Variants in TBL2 observed in about 807,000 individuals in gnomAD.
TBL2 encodes transducin beta like 2, also known as transducin beta-like protein 2.
Under a neutral mutation model 41.8 loss-of-function variants are expected in TBL2, and 33 were observed. The observed-to-expected ratio is 0.79, with a 90% CI of 0.60 to 1.06. TBL2 has a LOEUF of 1.06. TBL2 is among the 50% of genes least tolerant of loss of function. TBL2 has a pLI of 0.00. For synonymous variants in TBL2, 239 were observed against 241.7 expected, an observed-to-expected ratio of 0.99 and a Z score of 0.10; for missense variants, 522 against 603.8, an observed-to-expected ratio of 0.86 and a Z score of 1.42.
In TBL2 at chr7:73,573,992, CT is replaced by C; in HGVS notation, c.391del (p.Arg131GlufsTer36). 1 of 1,614,196 alleles carries C rather than the reference CT, an allele frequency of 6.2e-7. No homozygotes were observed. The highest frequency in any genetic ancestry group is 8.5e-7 in the Non-Finnish European group (1 of 1,180,052). ...GGCGTGGTCCAGCTCCACGTTGGCT[CT>C]CATGCTGCGGTGCTCTCGCTGCAGG... ...DFLQREHRSM[R>X]ANVELDHATL... On this transcript the variant is annotated frameshift_variant, in exon 3 of 7. Coordinates refer to ENST00000305632, the MANE Select transcript of TBL2 (RefSeq NM_012453.4). LOFTEE classifies it high-confidence loss of function.
chr7:73,573,982 C>T lies in TBL2; in HGVS notation c.402G>A (p.Val134=), dbSNP rs1554588309. Residue 134 remains valine, a synonymous_variant, in exon 3 of 7, where the codon GTG becomes GTA. Coordinates refer to ENST00000305632, the MANE Select transcript of TBL2 (RefSeq NM_012453.4). ...QREHRSMRAN[V]ELDHATLVRF... ...GCACCAGGGTGGCGTGGTCCAGCTC[C>T]ACGTTGGCTCTCATGCTGCGGTGCT... The T allele has an allele frequency of 1.9e-6, 3 of 1,614,140 alleles. No individual in the cohort carries two copies. Among genetic ancestry groups the T allele is most frequent in the South Asian group, 2.2e-5 (2 of 91,090 alleles).
rs1563446632 is a variant in TBL2 at position 73,570,775 on chromosome 7, G to T, written c.1076C>A (p.Thr359Asn). The T allele has an allele frequency of 6.2e-7, 1 of 1,614,046 alleles. No individual in the cohort carries two copies. The highest frequency in any genetic ancestry group is 1.1e-5 in the South Asian group (1 of 91,092). Residue 359 changes from threonine to asparagine, a missense_variant, in exon 7 of 7, where the codon ACC becomes AAC. By Grantham distance (65) the Thr-to-Asn change is moderately conservative. Transcript: ENST00000305632. ...ASGSSIHLYN[T>N]RRGEKEECFE... ...GCACTCCTCCTTCTCGCCCCGCCGG[G>T]TATTGTAGAGATGAATACTACTGCC...
rs369530509 is a variant in TBL2 at position 73,578,574 on chromosome 7, G to C, written c.-25C>G. On this transcript the variant is annotated 5_prime_UTR_variant, in exon 1 of 7. Transcript: ENST00000305632. ...TGTTGGTGGAACCACTGCCACCTCA[G>C]CTAGTGAGTACGCGGGCGCCCGCAC... 1.3e-6 allele frequency: 2 copies of C among 1,578,404 alleles called. No homozygotes were observed. The highest frequency in any genetic ancestry group is 1.7e-6 in the Non-Finnish European group (2 of 1,164,910).
Position 73,578,495 on chromosome 7 carries a change from G to A in TBL2, c.55C>T (p.Leu19=). ...ACCGCCGCCGTCGCCATCAGGGCCAGCAGCCCAAGCAACACCGACAGCCCC... is the reference window on the plus strand; with the variant it reads ...ACCGCCGCCGTCGCCATCAGGGCCAACAGCCCAAGCAACACCGACAGCCCC... ...LMGLSVLLGL[L]ALMATAAVAR... is the part of the protein sequence containing the mutation. The change falls in exon 1 of 7, where the codon CTG becomes TTG. Residue 19 remains leucine (L), a synonymous_variant. Transcript: ENST00000305632. The A allele has an allele frequency of 1.3e-6, 2 of 1,586,832 alleles. No individual in the cohort carries two copies. The highest frequency in any genetic ancestry group is 1.7e-5 in the Admixed American group (1 of 57,952).
chr7:73,578,228 C>T, intron 1 of TBL2, 192 bp downstream of exon 1: 1 of 1,529,514 alleles, frequency 6.5e-7, no homozygotes, highest in Non-Finnish European at 8.7e-7. Context: ...CAGTCCCGCC[C>T]CAGGAGGTGC....
chr7:73,571,275 C>T lies in TBL2; in HGVS notation c.792G>A (p.Gly264=). Residue 264 remains glycine, a synonymous_variant, in exon 6 of 7, where the codon GGG becomes GGA. Transcript: ENST00000305632. The stretch of plus-strand genomic sequence containing the variant: ...AGGCTCGCACCACCTCCTGGAACTC[C>T]CCCTTCTTTCCAAAGCAGACTTCCC... ...KVWEVCFGKK[G]EFQEVVRAFE... is the part of the protein sequence containing the mutation. The T allele has an allele frequency of 6.2e-7, 1 of 1,614,196 alleles. No homozygotes were observed. The highest frequency in any genetic ancestry group is 1.6e-4 in the Middle Eastern group (1 of 6,062).
chr7:73,578,279 G>A, intron 1 of TBL2, 141 bp downstream of exon 1: 1 of 1,534,442 alleles, frequency 6.5e-7, no homozygotes, highest in African/African-American at 1.4e-5. Flanking sequence ...TGGAAGCGAA[G>A]CTCACGTTAC....
rs1196876494 is a variant in TBL2, at chr7:73,578,539, G to A, written c.11C>T (p.Ser4Leu). 3 of 1,591,348 alleles carry A rather than the reference G, an allele frequency of 1.9e-6. No homozygotes were observed. Among genetic ancestry groups the A allele is most frequent in the Middle Eastern group, 1.7e-4 (1 of 5,894 alleles). ...CAGCCCCATGAGCTCCGACATCTGC[G>A]AGAGCTCCATGTTGGTGGAACCACT... Reference protein sequence around the residue: MELSQMSELMGLSV... With the variant: MELLQMSELMGLSV... Residue 4 changes from serine (S) to leucine (L), a missense_variant, in exon 1 of 7, where the codon TCG becomes TTG. By Grantham distance (145) the Ser-to-Leu change is moderately radical (BLOSUM62 -2). Transcript: ENST00000305632.
intron 1 of TBL2, among the ~76,000 whole-genome samples, chr7:73,577,080 A>G (rs1244481575): frequency 6.6e-6 from 1 of 151,984 alleles, no homozygotes; most frequent in Non-Finnish European, 1.5e-5. Context: ...TAACACAGTG[A>G]AACCCCGTCT....
At chr7:73,577,234 T>G in intron 1 of TBL2, among the ~76,000 whole-genome samples, 1 of 127,172 alleles carries the variant, frequency 7.9e-6, no homozygotes. Context: ...GACTCCAGAT[T>G]GGGCGACAGA....
rs1228701723 is a variant in TBL2, at chr7:73,568,467, C to A, written c.*2040G>T. Among the ~76,000 whole-genome samples, 6 of 152,176 alleles carry A rather than the reference C, an allele frequency of 3.9e-5. No individual in the cohort carries two copies. Among genetic ancestry groups the A allele is most frequent in the Non-Finnish European group, 8.8e-5 (6 of 68,030 alleles). On this transcript the variant is annotated 3_prime_UTR_variant, in exon 7 of 7. Coordinates refer to ENST00000305632, the MANE Select transcript of TBL2 (RefSeq NM_012453.4). ...CACCCCCCATCCTGCAGGCAGGACA[C>A]AAGCCCGCCCTCCAGCTCACTTCTG...
chr7:73,571,125 A>C, intron 6 of TBL2, 64 bp downstream of exon 6: 1 of 1,607,766 alleles, frequency 6.2e-7, no homozygotes, highest in Non-Finnish European at 8.5e-7. Flanking sequence ...AAACAGACAG[A>C]AGGACCCTGG....
chr7:73,572,768 C>G lies in TBL2; in HGVS notation c.725+76G>C, dbSNP rs538848414. 4.3e-5 allele frequency: 69 copies of G among 1,602,506 alleles called. 1 individual carries two copies. In the South Asian group the frequency reaches 7.0e-4, roughly 16 times the overall value. ...CGTATGCTCTTCCCACGCGATGAAG[C>G]TGGCTCTCTGTTCTGTGCCTGCTCC... On this transcript the variant is annotated intron_variant, in intron 5 of 6. Coordinates refer to ENST00000305632, the MANE Select transcript of TBL2 (RefSeq NM_012453.4).
Position 73,570,890 on chromosome 7 carries a change from G to C in TBL2, c.961C>G (p.Leu321Val). ...GCCTCTTCAAAGCGGCCTGTCTTCA[G>C]CAAGTAGGGGTCCTGCTTCTTCTTG... ...EYKKKQDPYL[L>V]KTGRFEEAAG... Residue 321 changes from leucine (L) to valine (V), a missense_variant, in exon 7 of 7, where the codon CTG becomes GTG. Coordinates refer to ENST00000305632, the MANE Select transcript of TBL2 (RefSeq NM_012453.4). 5.0e-6 allele frequency: 8 copies of C among 1,613,864 alleles called. No individual in the cohort carries two copies. The highest frequency in any genetic ancestry group is 6.8e-6 in the Non-Finnish European group (8 of 1,180,014).
intron 1 of TBL2, among the ~76,000 whole-genome samples, chr7:73,577,314 GC>G (rs1255599631): frequency 6.7e-6 from 1 of 149,200 alleles, no homozygotes; most frequent in African/African-American, 2.5e-5. Context: ...AGTGGTTCAC[GC>G]CTGTAATCTC....
chr7:73,568,952 T>G lies in TBL2; in HGVS notation c.*1555A>C, dbSNP rs775412593. ...AAAAATTGTTTTTACTATTTTTGGT[T>G]TAGAAAAATTCTTTTGGATTTTATT... On this transcript the variant is annotated 3_prime_UTR_variant, in exon 7 of 7. Transcript: ENST00000305632. 4.6e-5 allele frequency: 7 copies of G among 152,350 alleles called. No individual in the cohort carries two copies. The highest frequency in any genetic ancestry group is 1.0e-4 in the Non-Finnish European group (7 of 68,030). 9.4% of individuals were successfully genotyped at this position (152,350 alleles called of 1,614,324 possible).
chr7:73,576,547 G>T (rs1187798825), intron 1 of TBL2: 3 of 453,370 alleles, frequency 6.6e-6, no homozygotes, highest in East Asian at 1.4e-4. Context: ...GTACCTGAAA[G>T]AACTCGGGGA....
rs1158698766 is a variant in TBL2, at chr7:73,568,531, C to G, written c.*1976G>C. 6.6e-6 allele frequency among the ~76,000 whole-genome samples: 1 copy of G among 152,188 alleles called. No individual in the cohort carries two copies. Among genetic ancestry groups the G allele is most frequent in the Non-Finnish European group, 1.5e-5 (1 of 68,042 alleles). ...CTGCCTTACACCCAGGTAACTGACC[C>G]TTCACACATTTACGGTGCCCATCTG... On this transcript the variant is annotated 3_prime_UTR_variant, in exon 7 of 7. Coordinates refer to ENST00000305632, the MANE Select transcript of TBL2 (RefSeq NM_012453.4).
At chr7:73,574,955 C>G (rs955531841) in intron 1 of TBL2, among the ~76,000 whole-genome samples, 3 of 152,132 alleles carry the variant, frequency 2.0e-5, no homozygotes, top group African/African-American at 7.2e-5. Context: ...GTGGAAAAGG[C>G]GCACTCTCTG....
Sources: gnomAD v4.1 joint callset for allele counts (sites outside exome capture counted in the v4.1 genomes callset) on GRCh38, gnomAD v4.1.1 for gene constraint, MANE v1.5 for transcripts, NCBI Gene and HGNC (gene_info 2026-07-23, HGNC 2026-07-21) for gene names.